TMEM170A: variants seen among roughly 807,000 people sequenced by gnomAD.
The protein encoded by TMEM170A is transmembrane protein 170.
TMEM170A carries 18 observed loss-of-function variants against 12.8 expected under a neutral mutation model. The ratio of observed to expected loss-of-function variants is 1.41; its 90% confidence interval spans 0.97 to 2.09. The LOEUF is 2.09. Ranked by LOEUF, TMEM170A falls within the 30% of genes most tolerant of loss-of-function variation. The pLI is 0.00. For synonymous variants in TMEM170A, 107 were observed against 76.2 expected, an observed-to-expected ratio of 1.40 and a Z score of -2.11; for missense variants, 220 against 179.9, an observed-to-expected ratio of 1.22 and a Z score of -1.28.
rs2079595280 is a variant in TMEM170A, at chr16:75,446,851, A to G, written c.*707T>C. The G allele has an allele frequency of 6.6e-6, 1 of 152,190 alleles. No homozygotes were observed. The highest frequency in any genetic ancestry group is 1.5e-5 in the Non-Finnish European group (1 of 68,028). The allele number at this position is 152,190 out of a possible 1,614,324, so 9.4% of individuals were successfully genotyped here. On this transcript the variant is annotated 3_prime_UTR_variant, in exon 3 of 3. Transcript: ENST00000561878. ...GGTACAGAAAATCTAAAAAGTCTAAATTAGCTAGCTTATTTTGATAAAACA... is the reference window on the plus strand; with the variant it reads ...GGTACAGAAAATCTAAAAAGTCTAAGTTAGCTAGCTTATTTTGATAAAACA...
At chr16:75,453,691 G>C (rs1465098255) in intron 1 of TMEM170A, among the ~76,000 whole-genome samples, 2 of 152,186 alleles carry the variant, frequency 1.3e-5, no homozygotes, top group African/African-American at 4.8e-5. Context: ...ATAAATACCA[G>C]AAAATATAAA....
chr16:75,448,399 G>A lies in TMEM170A; in HGVS notation c.305-711C>T, dbSNP rs189476630. Among the ~76,000 whole-genome samples, 108 of 152,296 alleles carry A rather than the reference G, an allele frequency of 7.1e-4. 1 individual carries two copies. Among genetic ancestry groups the A allele is most frequent in the Admixed American group, 2.3e-3 (35 of 15,300 alleles). On this transcript the variant is annotated intron_variant, in intron 2 of 2. Coordinates refer to ENST00000561878, the MANE Select transcript of TMEM170A (RefSeq NM_145254.3). ...CCTGTATCTATGCAGATACCCATTT[G>A]AGTTACTATACGAGTTCAGCATTAT...
chr16:75,444,248 AGATT>A lies in TMEM170A; in HGVS notation c.*3306_*3309del, dbSNP rs1170481619. On this transcript the variant is annotated 3_prime_UTR_variant, in exon 3 of 3. Transcript: ENST00000561878. The stretch of plus-strand genomic sequence containing the variant: ...CTTTGGGAGGTGGAGGCGGGTCAGG[AGATT>A]GAGACCATCCTGGCTAACACGGTGA... 1.3e-5 allele frequency: 2 copies of A among 152,006 alleles called. No individual in the cohort carries two copies. The highest frequency in any genetic ancestry group is 4.8e-5 in the African/African-American group (2 of 41,326). The allele number at this position is 152,006 out of a possible 1,614,324, so 9.4% of individuals were successfully genotyped here. A position where few individuals can be genotyped will look rare whatever the true frequency, so the allele number is the denominator to read the frequency against.
In TMEM170A at chr16:75,444,964, C is replaced by A. The variant is rs548160627; in HGVS notation, c.*2594G>T. 6.6e-6 allele frequency: 1 copy of A among 152,162 alleles called. No individual in the cohort carries two copies. The highest frequency in any genetic ancestry group is 1.5e-5 in the Non-Finnish European group (1 of 68,022). 9.4% of individuals were successfully genotyped at this position (152,162 alleles called of 1,614,324 possible). On this transcript the variant is annotated 3_prime_UTR_variant, in exon 3 of 3. Transcript: ENST00000561878. The stretch of plus-strand genomic sequence containing the variant: ...GTTACTGTTTAAGAGGAGGGGCCCA[C>A]TAACTACTGGTCTATATGTTTAGTG...
intron 2 of TMEM170A, among the ~76,000 whole-genome samples, chr16:75,450,884 T>C (rs2079669298): frequency 6.6e-6 from 1 of 152,096 alleles, no homozygotes; most frequent in Non-Finnish European, 1.5e-5. Context: ...CTAGTCTCAA[T>C]TTCCTAGGCT....
intron 1 of TMEM170A, chr16:75,452,745 A>C (rs1426714832): frequency 2.6e-5 from 4 of 152,216 alleles, no homozygotes; most frequent in Non-Finnish European, 5.9e-5. Context: ...CCGGCCTTCA[A>C]CATCATTTAC....
intron 2 of TMEM170A, among the ~76,000 whole-genome samples, chr16:75,449,812 A>G (rs1256391613): frequency 6.6e-6 from 1 of 152,192 alleles, no homozygotes; most frequent in Non-Finnish European, 1.5e-5. Context: ...TACACAAGAA[A>G]GACTGGGTTG....
chr16:75,461,179 G>T (rs987312839), intron 1 of TMEM170A, among the ~76,000 whole-genome samples: 1 of 151,612 alleles, frequency 6.6e-6, no homozygotes, highest in Admixed American at 6.6e-5. Flanking sequence ...TCAGCCTCCC[G>T]AGTAGCTGGA....
chr16:75,462,329 C>T (rs1392405542), intron 1 of TMEM170A, among the ~76,000 whole-genome samples: 2 of 152,250 alleles, frequency 1.3e-5, no homozygotes, highest in Admixed American at 6.5e-5. Flanking sequence ...AAGAGATTCT[C>T]GTGCCTCAGC....
chr16:75,447,746 C>A, intron 2 of TMEM170A, 58 bp from the exon 3 acceptor site: 1 of 1,527,016 alleles, frequency 6.5e-7, no homozygotes, highest in Non-Finnish European at 8.8e-7. Context: ...AACAAACTCA[C>A]GAAAATACAA....
chr16:75,444,179 A>T lies in TMEM170A; in HGVS notation c.*3379T>A, dbSNP rs536687776. 6.6e-6 allele frequency: 1 copy of T among 152,188 alleles called. No individual in the cohort carries two copies. Among genetic ancestry groups the T allele is most frequent in the East Asian group, 1.9e-4 (1 of 5,176 alleles). 9.4% of individuals were successfully genotyped at this position (152,188 alleles called of 1,614,324 possible). ...TTGCATTTCTTTTTTTTTAAAAAAC[A>T]AAGCAGAGGCCGGGTGTGGTGGCTC... On this transcript the variant is annotated 3_prime_UTR_variant, in exon 3 of 3. Transcript: ENST00000561878.
At chr16:75,454,176 G>A (rs1488024079) in intron 1 of TMEM170A, among the ~76,000 whole-genome samples, 1 of 134,062 alleles carries the variant, frequency 7.5e-6, no homozygotes, top group Non-Finnish European at 1.8e-5. Flanking sequence ...ACTGTGCACT[G>A]CAGGATATGG....
In TMEM170A at chr16:75,464,667, CTCACCCTCGCCGCCTCAGCG is replaced by C. The variant is rs1453864158; in HGVS notation, c.-87_-68del. 1.3e-6 allele frequency: 2 copies of C among 1,524,684 alleles called. No individual in the cohort carries two copies. The highest frequency in any genetic ancestry group is 2.2e-5 in the Admixed American group (1 of 44,530). The allele number at this position is 1,524,684 out of a possible 1,614,324, so 94.4% of individuals were successfully genotyped here. A position where few individuals can be genotyped will look rare whatever the true frequency, so the allele number is the denominator to read the frequency against. On this transcript the variant is annotated 5_prime_UTR_variant, in exon 1 of 3. Coordinates refer to ENST00000561878, the MANE Select transcript of TMEM170A (RefSeq NM_145254.3). ...GAAGTGCGGTAGCGGCCGGCGCCGA[CTCACCCTCGCCGCCTCAGCG>C]TCACCTCCAGCCGGGGTCCTCTTCC...
chr16:75,464,221 C>T, intron 1 of TMEM170A: 1 of 1,504,234 alleles, frequency 6.6e-7, no homozygotes, highest in Non-Finnish European at 8.8e-7. Flanking sequence ...GCCCTCCAGC[C>T]CCGGGCCCAC....
rs372969453 is a variant in TMEM170A, at chr16:75,464,634, G to C, written c.-34C>G. 1.2e-5 allele frequency: 18 copies of C among 1,556,210 alleles called. No individual in the cohort carries two copies. The highest frequency in any genetic ancestry group is 1.6e-5 in the Non-Finnish European group (18 of 1,156,596). ...CATTCACCACAGAGAAATGAGGGACGAGCGCCCGAAGTGCGGTAGCGGCCG... is the reference window on the plus strand; with the variant it reads ...CATTCACCACAGAGAAATGAGGGACCAGCGCCCGAAGTGCGGTAGCGGCCG... On this transcript the variant is annotated 5_prime_UTR_variant, in exon 1 of 3. Coordinates refer to ENST00000561878, the MANE Select transcript of TMEM170A (RefSeq NM_145254.3).
chr16:75,463,463 A>C lies in TMEM170A; in HGVS notation c.133+1005T>G, dbSNP rs1264065064. The stretch of plus-strand genomic sequence containing the variant: ...GTCCGGGAAAATCCCTGGGCACATA[A>C]CACTGCAAGTCCCAGGTGTCCGCTG... On this transcript the variant is annotated intron_variant, in intron 1 of 2. Coordinates refer to ENST00000561878, the MANE Select transcript of TMEM170A (RefSeq NM_145254.3). 2.0e-5 allele frequency among the ~76,000 whole-genome samples: 3 copies of C among 152,074 alleles called. No homozygotes were observed. The South Asian group carries it at 6.2e-4, about 32-fold the overall frequency.
chr16:75,447,589 A>G lies in TMEM170A; in HGVS notation c.404T>C (p.Val135Ala), dbSNP rs2079609720. The change falls in exon 3 of 3, where the codon GTC (valine) becomes GCC (alanine). Residue 135 changes from valine to alanine, a missense_variant. Physicochemically the swap from Val to Ala is moderately conservative, Grantham distance 64 (BLOSUM62 0). Transcript: ENST00000561878. ...GTGQTFCVLV[V>A]SFLRILATL ...AGTAGCTAAAATCCGTAAAAAGGAG[A>G]CCACCAAGACGCAAAATGTCTGTCC... 1 of 1,613,594 alleles carries G rather than the reference A, an allele frequency of 6.2e-7. No individual in the cohort carries two copies.
intron 1 of TMEM170A, among the ~76,000 whole-genome samples, chr16:75,453,348 T>A (rs1028641745): frequency 3.9e-5 from 6 of 152,144 alleles, no homozygotes; most frequent in Non-Finnish European, 8.8e-5. Flanking sequence ...GTGGGAGGAT[T>A]GCTTGAGCCT....
chr16:75,451,397 A>G (rs1208379892), intron 2 of TMEM170A: 2 of 535,252 alleles, frequency 3.7e-6, no homozygotes, highest in African/African-American at 1.9e-5. Flanking sequence ...AATACAAAAA[A>G]AATTAGCGGG....
Sources: gnomAD v4.1 joint callset for allele counts (sites outside exome capture counted in the v4.1 genomes callset) on GRCh38, gnomAD v4.1.1 for gene constraint, MANE v1.5 for transcripts, NCBI Gene and HGNC (gene_info 2026-07-23, HGNC 2026-07-21) for gene names.